Variants in TGFA observed in about 807,000 individuals in gnomAD.
TGFA encodes protransforming growth factor alpha.
TGFA carries 12 observed loss-of-function variants against 21.7 expected under a neutral mutation model. That is an observed-to-expected ratio of 0.55 (90% confidence interval 0.35 to 0.90). TGFA has a LOEUF of 0.90. Ranked by LOEUF, TGFA falls within the 40% of genes least tolerant of loss-of-function variation. The pLI is 0.01. For missense variants in TGFA, 178 were observed against 210.8 expected (o/e 0.84, Z 0.96); for synonymous variants, 79 against 88.1 (o/e 0.90, Z 0.58).
intron 1 of TGFA, among the ~76,000 whole-genome samples, chr2:70,543,057 T>C (rs1261946277): frequency 6.6e-6 from 1 of 151,674 alleles, no homozygotes; most frequent in Non-Finnish European, 1.5e-5. Context: ...GAGCCAAGAT[T>C]GCGCCATTGC....
chr2:70,553,738 C>T lies in TGFA; in HGVS notation c.30G>A (p.Leu10=), dbSNP rs375631892. The part of the protein sequence containing the change: MVPSAGQLA[L]FALGIVLAAC... ...AGCCGGCGTACGTACCCAGAGCGAA[C>T]AGGGCGAGCTGTCCAGCCGAGGGGA... is the stretch of plus-strand genomic sequence containing the variant. Residue 10 remains leucine (L), a synonymous_variant, in exon 1 of 6, where the codon CTG becomes CTA. Coordinates refer to ENST00000295400, the MANE Select transcript of TGFA (RefSeq NM_003236.4). The T allele has an allele frequency of 3.3e-4, 435 of 1,328,140 alleles. No homozygotes were observed. Among genetic ancestry groups the T allele is most frequent in the Non-Finnish European group, 4.1e-4 (425 of 1,034,560 alleles). The allele number at this position is 1,328,140 out of a possible 1,614,324, so 82.3% of individuals were successfully genotyped here.
At chr2:70,469,254 A>AT (rs1246419626) in intron 2 of TGFA, among the ~76,000 whole-genome samples, 4 of 152,132 alleles carry the variant, frequency 2.6e-5, no homozygotes, top group Non-Finnish European at 5.9e-5. Flanking sequence ...TTGCTAGGTG[A>AT]TTTTTTAAAG....
intron 2 of TGFA, among the ~76,000 whole-genome samples, chr2:70,483,344 T>G (rs899646954): frequency 6.6e-6 from 1 of 152,190 alleles, no homozygotes; most frequent in African/African-American, 2.4e-5. Flanking sequence ...CAGAAATGTA[T>G]TTGTCTTTTT....
intron 1 of TGFA, among the ~76,000 whole-genome samples, chr2:70,521,717 C>G (rs1233527418): frequency 7.1e-6 from 1 of 140,182 alleles, no homozygotes; most frequent in African/African-American, 2.6e-5. Context: ...CGAATTCAAG[C>G]GATTCTTCTG....
Position 70,456,370 on chromosome 2 carries a change from C to T in TGFA, c.334G>A (p.Ala112Thr), listed in dbSNP as rs1553490525. ...AGCACACATGTGATGATAAGGACAG[C>T]CAGGGCCACGATGGAGACCACCACC... Reference protein sequence around the residue: ...ALVVVSIVALAVLIITCVLIH... With the variant: ...ALVVVSIVALTVLIITCVLIH... Residue 112 changes from alanine to threonine, a missense_variant, in exon 4 of 6, where the codon GCT (alanine) becomes ACT (threonine). Physicochemically the swap from Ala to Thr is moderately conservative, Grantham distance 58 (BLOSUM62 0). Coordinates refer to ENST00000295400, the MANE Select transcript of TGFA (RefSeq NM_003236.4). 6.4e-7 allele frequency: 1 copy of T among 1,566,668 alleles called. No individual in the cohort carries two copies. Among genetic ancestry groups the T allele is most frequent in the Non-Finnish European group, 8.7e-7 (1 of 1,155,412 alleles).
At chr2:70,528,453 C>T (rs1402592824) in intron 1 of TGFA, among the ~76,000 whole-genome samples, 3 of 146,042 alleles carry the variant, frequency 2.1e-5, no homozygotes, top group East Asian at 2.1e-4. Context: ...AACAATGATC[C>T]CTGTGGAAAG....
chr2:70,497,351 C>T (rs1265587173), intron 2 of TGFA, among the ~76,000 whole-genome samples: 1 of 152,176 alleles, frequency 6.6e-6, no homozygotes, highest in South Asian at 2.1e-4. Flanking sequence ...ATTTTCTTTG[C>T]AACAAAGTAT....
rs74918993 is a variant in TGFA, at chr2:70,509,823, C to G, written c.94+5036G>C. ...GATGGGCAGCCTGGGAACTGTGCAA[C>G]ATTTCTCAGGGTTAAGCAAGTAGCC... On this transcript the variant is annotated intron_variant, in intron 2 of 5. Coordinates refer to ENST00000295400, the MANE Select transcript of TGFA (RefSeq NM_003236.4). Among the ~76,000 whole-genome samples the G allele has an allele frequency of 9.6e-3, 1,467 of 152,276 alleles. 15 individuals are homozygous for G. The highest frequency in any genetic ancestry group is 0.033 in the African/African-American group (1,361 of 41,544).
At chr2:70,483,856 ATCCT>A (rs1350409362) in intron 2 of TGFA, among the ~76,000 whole-genome samples, 2 of 152,168 alleles carry the variant, frequency 1.3e-5, no homozygotes, top group African/African-American at 4.8e-5. Flanking sequence ...CTTGGGACAC[ATCCT>A]TCTTTTGATG....
At chr2:70,538,278 T>C (rs1339826041) in intron 1 of TGFA, among the ~76,000 whole-genome samples, 1 of 152,248 alleles carries the variant, frequency 6.6e-6, no homozygotes, top group Non-Finnish European at 1.5e-5. Context: ...GTTGTTTCCA[T>C]GACTGCTAAC....
At chr2:70,553,334 C>G (rs1673575001) in intron 1 of TGFA, 1 of 1,496,084 alleles carries the variant, frequency 6.7e-7, no homozygotes, top group Non-Finnish European at 8.8e-7. Context: ...GCCCCCGTTC[C>G]GAGGCGGCCC....
At chr2:70,454,300 G>T (rs369581480) in intron 4 of TGFA, among the ~76,000 whole-genome samples, 1 of 152,236 alleles carries the variant, frequency 6.6e-6, no homozygotes, top group African/African-American at 2.4e-5. Flanking sequence ...GCACTGTCCT[G>T]CAGTGAGAAG....
intron 1 of TGFA, among the ~76,000 whole-genome samples, chr2:70,536,244 A>G (rs550210479): frequency 6.6e-6 from 1 of 152,346 alleles, no homozygotes; most frequent in Non-Finnish European, 1.5e-5. Context: ...CAGTGTCAAA[A>G]TCCATGAGGC....
chr2:70,549,170 G>A (rs1243415331), intron 1 of TGFA, among the ~76,000 whole-genome samples: 13 of 152,280 alleles, frequency 8.5e-5, no homozygotes, highest in African/African-American at 2.4e-4. Context: ...ACATGGGATC[G>A]TTACATTTTC....
At chr2:70,473,614 A>T (rs1553493662) in intron 2 of TGFA, among the ~76,000 whole-genome samples, 1 of 151,960 alleles carries the variant, frequency 6.6e-6, no homozygotes, top group Non-Finnish European at 1.5e-5. Flanking sequence ...TCCCTGTCAC[A>T]TTTACAGTAG....
intron 2 of TGFA, among the ~76,000 whole-genome samples, chr2:70,471,955 C>G (rs1261925759): frequency 1.3e-5 from 2 of 152,114 alleles, no homozygotes; most frequent in Non-Finnish European, 2.9e-5. Flanking sequence ...ATGATTCTCT[C>G]AGCCTCTCTC....
At chr2:70,512,616 G>A (rs1672137028) in intron 2 of TGFA, among the ~76,000 whole-genome samples, 1 of 152,202 alleles carries the variant, frequency 6.6e-6, no homozygotes, top group African/African-American at 2.4e-5. Context: ...GGTTGTTCAC[G>A]ACTGCAAAAA....
intron 5 of TGFA, 29 bp from the exon 6 acceptor site, chr2:70,450,895 C>G: frequency 6.2e-7 from 1 of 1,603,006 alleles, no homozygotes; most frequent in Non-Finnish European, 8.5e-7. Flanking sequence ...AGGTTAAGCA[C>G]TGTGGGCCAC....
chr2:70,534,592 G>T (rs1333813712), intron 1 of TGFA, among the ~76,000 whole-genome samples: 1 of 152,184 alleles, frequency 6.6e-6, no homozygotes, highest in Non-Finnish European at 1.5e-5. Context: ...TATTATTAGA[G>T]GTTCCTTGGT....
Sources: gnomAD v4.1 joint callset for allele counts (sites outside exome capture counted in the v4.1 genomes callset) on GRCh38, gnomAD v4.1.1 for gene constraint, MANE v1.5 for transcripts, NCBI Gene and HGNC (gene_info 2026-07-23, HGNC 2026-07-21) for gene names.